Variants in ELMOD3 observed in about 807,000 individuals in gnomAD.
ELMOD3 encodes the protein ELMO domain containing 3, also known as ELMO domain-containing protein 3.
Under a neutral mutation model 47.4 loss-of-function variants are expected in ELMOD3, and 36 were observed. The observed-to-expected ratio is 0.76, with a 90% confidence interval of 0.58 to 1.00. The LOEUF (loss-of-function observed/expected upper bound fraction) is 1.00. Ranked by LOEUF, ELMOD3 falls within the 50% of genes least tolerant of loss-of-function variation. The probability of loss-of-function intolerance (pLI) is 0.00; values close to 1 mark genes in which losing one functional copy is unlikely to be tolerated. For missense variants in ELMOD3, 404 were observed against 463.8 expected (o/e 0.87, Z 1.18); for synonymous variants, 149 against 183.5 (o/e 0.81, Z 1.52).
intron 10 of ELMOD3, among the ~76,000 whole-genome samples, chr2:85,375,280 C>G (rs1411706979): frequency 2.0e-5 from 3 of 152,166 alleles, no homozygotes; most frequent in Admixed American, 6.5e-5. Flanking sequence ...ACACTTTGTC[C>G]TCTCTTGTGG....
chr2:85,360,168 A>C (rs1683846937), intron 4 of ELMOD3, among the ~76,000 whole-genome samples: 1 of 147,908 alleles, frequency 6.8e-6, no homozygotes, highest in South Asian at 2.2e-4. Context: ...CAGGAGTCTG[A>C]GGCAGGAGAA....
Position 85,390,431 on chromosome 2 carries a change from G to C in ELMOD3, c.943+166G>C, listed in dbSNP as rs746439625. 66 of 1,614,050 alleles carry C rather than the reference G, an allele frequency of 4.1e-5. No homozygotes were observed. In the Admixed American group the frequency reaches 1.1e-3, roughly 26 times the overall value. ...ATCACCCACCCCCTGGAGTCTGCTAGTTCTCCTTTCTCTGCCCTGACTGTC... is the reference window on the plus strand; with the variant it reads ...ATCACCCACCCCCTGGAGTCTGCTACTTCTCCTTTCTCTGCCCTGACTGTC... On this transcript the variant is annotated intron_variant, in intron 13 of 13. Coordinates refer to ENST00000409013, the MANE Select transcript of ELMOD3 (RefSeq NM_001135022.2).
intron 4 of ELMOD3, chr2:85,360,722 C>T: frequency 5.3e-6 from 1 of 188,432 alleles, no homozygotes; most frequent in Non-Finnish European, 1.2e-5. Flanking sequence ...GTTACTTTTC[C>T]AGAAAATTCA....
rs1676015700 is a variant in ELMOD3, at chr2:85,376,709, C to A, written c.608-635C>A. Among the ~76,000 whole-genome samples, 1 of 152,106 alleles carries A rather than the reference C, an allele frequency of 6.6e-6. No individual in the cohort carries two copies. The highest frequency in any genetic ancestry group is 2.1e-4 in the South Asian group (1 of 4,824). ...CATTTTTCTCTGTGGTGTTTTGCTGCAGTAGGGTGGGTATTGGCTAAAGCC... is the reference window on the plus strand; with the variant it reads ...CATTTTTCTCTGTGGTGTTTTGCTGAAGTAGGGTGGGTATTGGCTAAAGCC... On this transcript the variant is annotated intron_variant, in intron 10 of 13. Coordinates refer to ENST00000409013, the MANE Select transcript of ELMOD3 (RefSeq NM_001135022.2). The surrounding 1 kb of genome is among the most constrained non-coding windows in gnomAD (Gnocchi z 4.2).
chr2:85,380,241 AAT>A (rs1453104162), intron 11 of ELMOD3, among the ~76,000 whole-genome samples: 1 of 152,244 alleles, frequency 6.6e-6, no homozygotes, highest in Admixed American at 6.5e-5. Context: ...ATATGTTCCA[AAT>A]TTTGGTCATA....
chr2:85,379,369 G>T, intron 11 of ELMOD3, among the ~76,000 whole-genome samples: 1 of 152,106 alleles, frequency 6.6e-6, no homozygotes, highest in Non-Finnish European at 1.5e-5. Context: ...ACCACGTCCG[G>T]CTAATTTTTG....
chr2:85,378,751 C>G (rs903578589), intron 11 of ELMOD3, among the ~76,000 whole-genome samples: 4 of 152,186 alleles, frequency 2.6e-5, no homozygotes, highest in African/African-American at 4.8e-5. Context: ...TTTCCTTTCA[C>G]ATTTTCCCCC....
chr2:85,370,983 G>T, intron 8 of ELMOD3, 103 bp from the exon 9 acceptor site: 1 of 1,352,646 alleles, frequency 7.4e-7, no homozygotes, highest in South Asian at 1.3e-5. Context: ...GATAGCTGGG[G>T]GAGTTACTTT....
intron 11 of ELMOD3, chr2:85,389,531 C>T: frequency 1.7e-6 from 1 of 591,126 alleles, no homozygotes; most frequent in Non-Finnish European, 3.0e-6. Context: ...CAGTTGGTAT[C>T]CTGGTTCCCA....
In ELMOD3 at chr2:85,391,016, C is replaced by A; in HGVS notation, c.*54C>A. The stretch of plus-strand genomic sequence containing the variant: ...TGAGCTGCAGGGGCTTTCAGGGGGT[C>A]AGTGGAGCCATGTCAGGAGCCTGGC... On this transcript the variant is annotated 3_prime_UTR_variant, in exon 14 of 14. Transcript: ENST00000409013. The A allele has an allele frequency of 7.6e-7, 1 of 1,318,770 alleles. No homozygotes were observed. Among genetic ancestry groups the A allele is most frequent in the South Asian group, 1.4e-5 (1 of 71,532 alleles). 81.7% of individuals were successfully genotyped at this position (1,318,770 alleles called of 1,614,324 possible). A position where few individuals can be genotyped will look rare whatever the true frequency, so the allele number is the denominator to read the frequency against.
At chr2:85,371,004 T>C in intron 8 of ELMOD3, 82 bp from the exon 9 acceptor site, 1 of 1,504,578 alleles carries the variant, frequency 6.6e-7, no homozygotes, top group Non-Finnish European at 9.1e-7. Flanking sequence ...CTGCAAGCAC[T>C]GCCTCTGGTC....
At chr2:85,374,608 CT>C (rs1685037206) in intron 10 of ELMOD3, among the ~76,000 whole-genome samples, 2 of 151,856 alleles carry the variant, frequency 1.3e-5, no homozygotes, top group Admixed American at 6.6e-5. Flanking sequence ...TCCCAAAGTG[CT>C]GGGATTACAG....
rs577515015 is a variant in ELMOD3 at position 85,389,595 on chromosome 2, TG to T, written c.739-153del. On this transcript the variant is annotated intron_variant, in intron 11 of 13. Coordinates refer to ENST00000409013, the MANE Select transcript of ELMOD3 (RefSeq NM_001135022.2). ...GAGCCTTAGTTCCTCATCTGTAAGA[TG>T]GGAAGAAGATTATTAGGAAAATTAA... 5.0e-4 allele frequency: 316 copies of T among 637,914 alleles called. 2 individuals carry two copies. The African/African-American group carries it at 5.0e-3, about 10-fold the overall frequency. The allele number at this position is 637,914 out of a possible 1,614,324, so 39.5% of individuals were successfully genotyped here.
chr2:85,377,948 C>G (rs1685288353), intron 11 of ELMOD3, among the ~76,000 whole-genome samples: 1 of 152,064 alleles, frequency 6.6e-6, no homozygotes, highest in African/African-American at 2.4e-5. Flanking sequence ...TGGCTAGCAA[C>G]TTAGAACTTT....
chr2:85,377,375 A>G lies in ELMOD3; in HGVS notation c.639A>G (p.Ala213=), dbSNP rs1685232104. The change falls in exon 11 of 14, where the codon GCA becomes GCG. Residue 213 remains alanine, a synonymous_variant. Transcript: ENST00000409013. Reference sequence around the variant, plus strand: ...ATCCAGCCACAGACCTGAGAGGCGCAGGCTTCCTTGCCCTCCTGCATCTGC... The same window carrying G: ...ATCCAGCCACAGACCTGAGAGGCGCGGGCTTCCTTGCCCTCCTGCATCTGC... ...GANPATDLRG[A]GFLALLHLLY... 4 of 1,608,666 alleles carry G rather than the reference A, an allele frequency of 2.5e-6. No homozygotes were observed. Among genetic ancestry groups the G allele is most frequent in the African/African-American group, 1.3e-5 (1 of 74,578 alleles).
chr2:85,383,709 C>T (rs779207997), intron 11 of ELMOD3, among the ~76,000 whole-genome samples: 35 of 152,246 alleles, frequency 2.3e-4, no homozygotes, highest in Non-Finnish European at 4.1e-4. Flanking sequence ...TTGTTTTGAG[C>T]CATAAAGTTA....
chr2:85,356,310 T>C (rs951578817), intron 3 of ELMOD3: 1 of 152,288 alleles, frequency 6.6e-6, no homozygotes. Context: ...ACCCAGCCTG[T>C]GTGTGAGGCC....
intron 11 of ELMOD3, among the ~76,000 whole-genome samples, chr2:85,384,452 C>T (rs1685791890): frequency 6.6e-6 from 1 of 152,172 alleles, no homozygotes; most frequent in Non-Finnish European, 1.5e-5. Flanking sequence ...AGGAGATGGA[C>T]CTCCATGGGT....
chr2:85,369,456 C>T (rs920519096), intron 7 of ELMOD3, among the ~76,000 whole-genome samples: 3 of 152,142 alleles, frequency 2.0e-5, no homozygotes, highest in African/African-American at 7.2e-5. Context: ...AGTGACTTGC[C>T]CCCTCGTAGA....
Sources: allele counts gnomAD v4.1 joint callset (sites outside exome capture counted in the v4.1 genomes callset), GRCh38; gene constraint gnomAD v4.1.1; non-coding constraint Gnocchi (gnomAD v3.1); transcripts MANE v1.5; gene names NCBI Gene and HGNC (gene_info 2026-07-23, HGNC 2026-07-21).